Variants in RARB observed in about 807,000 individuals in gnomAD.
RARB encodes retinoic acid receptor beta, also known as HBV-activated protein.
A neutral mutation model predicts 51.9 loss-of-function variants in RARB; 17 were observed. That is an observed-to-expected ratio of 0.33 (90% CI 0.22 to 0.49). The LOEUF is 0.49. Among genes scored for constraint, RARB ranks in the 20% least tolerant of loss-of-function variants. The pLI is 0.99. For missense variants in RARB, 369 were observed against 550.8 expected, an observed-to-expected ratio of 0.67 and a Z score of 3.30; for synonymous variants, 215 against 195.4, an observed-to-expected ratio of 1.10 and a Z score of -0.84.
intron 2 of RARB, among the ~76,000 whole-genome samples, chr3:24,867,130 G>C (rs1356917130): frequency 6.6e-6 from 1 of 152,044 alleles, no homozygotes; most frequent in Non-Finnish European, 1.5e-5. Flanking sequence ...TTTGACCTCT[G>C]GAATTATGGC....
intron 5 of RARB, among the ~76,000 whole-genome samples, chr3:25,377,252 C>G (rs1706491009): frequency 6.6e-6 from 1 of 152,060 alleles, no homozygotes; most frequent in African/African-American, 2.4e-5. Flanking sequence ...ATTGTTTTTT[C>G]TTTGCTTTTC....
intron 5 of RARB, among the ~76,000 whole-genome samples, chr3:25,341,302 A>G (rs1705219358): frequency 1.3e-5 from 2 of 152,214 alleles, no homozygotes; most frequent in Admixed American, 6.5e-5. Flanking sequence ...GTGAATATAC[A>G]TAAGATCACC....
At chr3:25,329,656 G>A (rs1704832190) in intron 5 of RARB, among the ~76,000 whole-genome samples, 1 of 152,206 alleles carries the variant, frequency 6.6e-6, no homozygotes, top group South Asian at 2.1e-4. Flanking sequence ...GCTGGATGGA[G>A]AATGACTTTG....
intron 2 of RARB, among the ~76,000 whole-genome samples, chr3:24,863,436 G>A (rs918716715): frequency 3.3e-5 from 5 of 152,140 alleles, no homozygotes; most frequent in Non-Finnish European, 7.4e-5. Flanking sequence ...AAGTGTAATG[G>A]TTTAATGGTC....
At chr3:25,464,187 A>G (rs1010204329) in intron 2 of RARB, among the ~76,000 whole-genome samples, 2 of 152,176 alleles carry the variant, frequency 1.3e-5, no homozygotes, top group African/African-American at 4.8e-5. Context: ...GCTGTAACTC[A>G]GCGTACCTGC....
At chr3:24,893,958 A>G (rs989180737) in intron 2 of RARB, among the ~76,000 whole-genome samples, 2 of 152,228 alleles carry the variant, frequency 1.3e-5, no homozygotes, top group African/African-American at 4.8e-5. Flanking sequence ...ACCTAATACA[A>G]GCCTGTGCTT....
intron 5 of RARB, among the ~76,000 whole-genome samples, chr3:25,353,785 G>A (rs770550406): frequency 7.9e-5 from 12 of 152,068 alleles, no homozygotes; most frequent in Middle Eastern, 6.8e-3. Context: ...TAGGCCCAGC[G>A]GTCTTTGACC....
chr3:25,148,973 A>G lies in RARB; in HGVS notation c.-280+16765A>G, dbSNP rs569653341. ...TGGCCTATCTTTGTAGCCTCTGAGC[A>G]GTAGAAAAATATGAGATAAGTAAAG... On this transcript the variant is annotated intron_variant, in intron 4 of 11. Coordinates refer to the RARB transcript ENST00000383772. 5.3e-5 allele frequency among the ~76,000 whole-genome samples: 8 copies of G among 152,244 alleles called. No individual in the cohort carries two copies. The East Asian group carries it at 1.4e-3, about 26-fold the overall frequency.
chr3:25,361,655 T>C (rs1159457700), intron 5 of RARB, among the ~76,000 whole-genome samples: 1 of 152,114 alleles, frequency 6.6e-6, no homozygotes, highest in Non-Finnish European at 1.5e-5. Flanking sequence ...TGACCTTCAG[T>C]GAGTTTTTGC....
chr3:24,993,223 A>G (rs1421822376), intron 2 of RARB, among the ~76,000 whole-genome samples: 3 of 152,168 alleles, frequency 2.0e-5, no homozygotes, highest in Non-Finnish European at 2.9e-5. Context: ...ACTTTTAAAA[A>G]TGGTGTAGAA....
At chr3:24,915,382 T>C (rs12106687) in intron 2 of RARB, among the ~76,000 whole-genome samples, 2,059 of 152,300 alleles carry the variant, frequency 0.014, 48 homozygotes, top group African/African-American at 0.046. Context: ...GTGTCAATTT[T>C]TGTATTACAT....
At chr3:24,871,109 T>A (rs1702938852) in intron 2 of RARB, among the ~76,000 whole-genome samples, 1 of 152,126 alleles carries the variant, frequency 6.6e-6, no homozygotes, top group Non-Finnish European at 1.5e-5. Flanking sequence ...AGTACACTTT[T>A]TAATAGAACT....
Position 25,309,972 on chromosome 3 carries a change from C to G in RARB, c.178+135397C>G, listed in dbSNP as rs142717270. Among the ~76,000 whole-genome samples the G allele has an allele frequency of 1.8e-3, 274 of 152,278 alleles. 1 individual carries two copies. Among genetic ancestry groups the G allele is most frequent in the Middle Eastern group, 6.8e-3 (2 of 294 alleles). ...AGATTCTTCTTGAAAGTCCCGAAGGCTGCTCTACACATATTTCTTGCCCCT... is the reference window on the plus strand; with the variant it reads ...AGATTCTTCTTGAAAGTCCCGAAGGGTGCTCTACACATATTTCTTGCCCCT... On this transcript the variant is annotated intron_variant, in intron 5 of 11. Transcript: ENST00000383772.
At chr3:24,965,718 C>T (rs1696239670) in intron 2 of RARB, among the ~76,000 whole-genome samples, 1 of 152,076 alleles carries the variant, frequency 6.6e-6, no homozygotes, top group Admixed American at 6.6e-5. Context: ...GAGAGGATGC[C>T]TGCTACATAA....
At chr3:25,561,145 TC>T (rs1468916582) in intron 3 of RARB, among the ~76,000 whole-genome samples, 1 of 152,162 alleles carries the variant, frequency 6.6e-6, no homozygotes, top group African/African-American at 2.4e-5. Flanking sequence ...CCAGGGTCCT[TC>T]CATTTGTCCA....
In RARB at chr3:25,451,622, A is replaced by G. The variant is rs1021664179; in HGVS notation, c.158-9571A>G. Among the ~76,000 whole-genome samples, 3 of 152,224 alleles carry G rather than the reference A, an allele frequency of 2.0e-5. No individual in the cohort carries two copies. The South Asian group carries it at 6.2e-4, about 32-fold the overall frequency. On this transcript the variant is annotated intron_variant, in intron 1 of 7. Coordinates refer to ENST00000330688, the MANE Select transcript of RARB (RefSeq NM_000965.5). ...GTTTTGGCTAAATTCTAGTGTAATC[A>G]ATCATACTTGAACTTCCTTAGATCT...
chr3:25,353,704 T>C (rs1705646231), intron 5 of RARB, among the ~76,000 whole-genome samples: 1 of 152,028 alleles, frequency 6.6e-6, no homozygotes, highest in Non-Finnish European at 1.5e-5. Flanking sequence ...GACAGATACT[T>C]CCATACTTCT....
At chr3:25,255,742 A>C (rs1428032863) in intron 5 of RARB, among the ~76,000 whole-genome samples, 1 of 152,142 alleles carries the variant, frequency 6.6e-6, no homozygotes, top group Non-Finnish European at 1.5e-5. Flanking sequence ...GAGTTGCTCA[A>C]GTCCAAAGAC....
At chr3:24,845,212 A>T (rs761943505) in intron 1 of RARB, among the ~76,000 whole-genome samples, 4 of 152,210 alleles carry the variant, frequency 2.6e-5, no homozygotes, top group Non-Finnish European at 5.9e-5. Flanking sequence ...AGATTTGTAG[A>T]TAAAGGGGAC....
Sources: allele counts gnomAD v4.1 joint callset (sites outside exome capture counted in the v4.1 genomes callset), GRCh38; gene constraint gnomAD v4.1.1; transcripts MANE v1.5; gene names NCBI Gene and HGNC (gene_info 2026-07-23, HGNC 2026-07-21).